The following ENOX2 variants were observed in gnomAD, a reference collection of about 807,000 sequenced individuals.
ENOX2 encodes the protein ecto-NOX disulfide-thiol exchanger 2, also known as APK1 antigen.
A neutral mutation model predicts 45.0 loss-of-function variants in ENOX2; 36 were observed. The observed-to-expected ratio is 0.80, with a 90% CI of 0.61 to 1.06. The LOEUF is 1.06. Ranked by LOEUF, ENOX2 falls within the 50% of genes least tolerant of loss-of-function variation. The probability of loss-of-function intolerance (pLI) is 0.00; values close to 1 mark genes in which losing one functional copy is unlikely to be tolerated. For missense variants in ENOX2, 423 were observed against 462.5 expected (o/e 0.91, Z 0.78); for synonymous variants, 174 against 152.3 (o/e 1.14, Z -1.05).
chrX:130,770,976 G>A (rs1039972935), intron 3 of ENOX2, among the ~76,000 whole-genome samples: 3 of 112,202 alleles, frequency 2.7e-5, no homozygotes, highest in African/African-American at 9.7e-5. Context: ...TGTTTGTGGT[G>A]GCAGCCAAAA....
rs1427164411 is a variant in ENOX2, at chrX:130,689,135, C to T, written c.98-117G>A. On this transcript the variant is annotated intron_variant, in intron 4 of 14. Coordinates refer to ENST00000394363, the MANE Select transcript of ENOX2 (RefSeq NM_006375.4). ...TCTAAGACAGAGGCAAAATATTTAA[C>T]AAGCATGGTACTTAGTATTCCCAGG... 3 of 529,715 alleles carry T rather than the reference C, an allele frequency of 5.7e-6. No homozygotes were observed. The Admixed American group carries it at 1.1e-4, about 20-fold the overall frequency. 43.7% of individuals were successfully genotyped at this position (529,715 alleles called of 1,213,427 possible).
At chrX:130,664,105 C>A (rs918582301) in intron 9 of ENOX2, among the ~76,000 whole-genome samples, 1 of 112,008 alleles carries the variant, frequency 8.9e-6, no homozygotes, top group East Asian at 2.8e-4. Context: ...CTCTACCAAC[C>A]CATTGGATGG....
intron 2 of ENOX2, among the ~76,000 whole-genome samples, chrX:130,885,896 C>T (rs1371506292): frequency 1.8e-5 from 2 of 112,050 alleles, no homozygotes; most frequent in African/African-American, 6.5e-5. Flanking sequence ...AAGAAAAAAG[C>T]CTCAACAACT....
chrX:130,719,983 G>C (rs1381762372), intron 3 of ENOX2, among the ~76,000 whole-genome samples: 1 of 112,290 alleles, frequency 8.9e-6, no homozygotes, highest in Admixed American at 9.4e-5. Context: ...AGAAACAAAA[G>C]AGATGTGTAC....
intron 2 of ENOX2, among the ~76,000 whole-genome samples, chrX:130,799,755 G>C (rs1310869372): frequency 9.0e-6 from 1 of 111,178 alleles, no homozygotes. Flanking sequence ...TAATTAATAG[G>C]GGCAGAAAAG....
intron 2 of ENOX2, among the ~76,000 whole-genome samples, chrX:130,788,022 T>A (rs1337913335): frequency 8.9e-6 from 1 of 112,206 alleles, no homozygotes; most frequent in East Asian, 2.8e-4. Context: ...TTTACTGTTT[T>A]GTTTCATTCC....
chrX:130,783,637 C>G lies in ENOX2; in HGVS notation c.-129G>C. 9.1e-6 allele frequency: 3 copies of G among 329,487 alleles called. No individual in the cohort carries two copies. The highest frequency in any genetic ancestry group is 1.8e-5 in the Non-Finnish European group (3 of 169,387). 27.2% of individuals were successfully genotyped at this position (329,487 alleles called of 1,213,427 possible). On this transcript the variant is annotated 5_prime_UTR_variant, in exon 3 of 15. Transcript: ENST00000394363. ...GTGACCAGAGGGCCACTGGCACTAC[C>G]AAACTGCAGGGGCTCGTTGTTGTTA...
chrX:130,795,028 G>A lies in ENOX2; in HGVS notation c.-182-11338C>T, dbSNP rs750196280. The stretch of plus-strand genomic sequence containing the variant: ...CACCCTATTAATTTTGCTATACTGC[G>A]TCACTAATGTTCTGGAATTATGCTT... On this transcript the variant is annotated intron_variant, in intron 2 of 14. Coordinates refer to ENST00000394363, the MANE Select transcript of ENOX2 (RefSeq NM_006375.4). Among the ~76,000 whole-genome samples the A allele has an allele frequency of 8.0e-5, 9 of 111,809 alleles. No individual in the cohort carries two copies. In the South Asian group the frequency reaches 2.2e-3, roughly 28 times the overall value.
chrX:130,663,059 C>T (rs1384964882), intron 9 of ENOX2, among the ~76,000 whole-genome samples: 2 of 112,254 alleles, frequency 1.8e-5, no homozygotes, highest in Non-Finnish European at 3.8e-5. Context: ...GTGTCCAGCT[C>T]ACTGGTACAG....
At chrX:130,891,916 C>G (rs2078992716) in intron 2 of ENOX2, among the ~76,000 whole-genome samples, 1 of 111,651 alleles carries the variant, frequency 9.0e-6, no homozygotes, top group African/African-American at 3.3e-5. Context: ...GAATACTGGG[C>G]TCTGGAGTCA....
intron 3 of ENOX2, among the ~76,000 whole-genome samples, chrX:130,742,806 A>G (rs1419401622): frequency 8.9e-6 from 1 of 112,208 alleles, no homozygotes; most frequent in Non-Finnish European, 1.9e-5. Flanking sequence ...TCTTTCCAAT[A>G]CACTACACTG....
At chrX:130,738,596 A>G (rs1459509981) in intron 3 of ENOX2, among the ~76,000 whole-genome samples, 1 of 112,130 alleles carries the variant, frequency 8.9e-6, no homozygotes, top group Non-Finnish European at 1.9e-5. Context: ...GTAACATTTG[A>G]TGATTCTGTA....
intron 7 of ENOX2, among the ~76,000 whole-genome samples, chrX:130,669,588 T>C (rs1157295363): frequency 8.9e-6 from 1 of 112,160 alleles, no homozygotes; most frequent in Non-Finnish European, 1.9e-5. Context: ...CCTGATTCAC[T>C]CATTTGACTT....
At chrX:130,802,440 C>T (rs1171025728) in intron 2 of ENOX2, among the ~76,000 whole-genome samples, 1 of 112,034 alleles carries the variant, frequency 8.9e-6, no homozygotes, top group Non-Finnish European at 1.9e-5. Flanking sequence ...TAAACAAATG[C>T]TTGACTTTAT....
chrX:130,866,568 C>G (rs2078495137), intron 2 of ENOX2, among the ~76,000 whole-genome samples: 1 of 111,831 alleles, frequency 8.9e-6, no homozygotes, highest in South Asian at 3.7e-4. Flanking sequence ...GCCACTAGAA[C>G]TCTGCTCATG....
At position 130,625,430 on chromosome X, in the gene ENOX2, C is replaced by T; in HGVS notation, c.1630G>A (p.Val544Met). The T allele has an allele frequency of 2.5e-6, 3 of 1,209,576 alleles. No homozygotes were observed. The highest frequency in any genetic ancestry group is 3.4e-6 in the Non-Finnish European group (3 of 894,318). ...RLDNKICTSD[V>M]ECLMGRLQHT... ...TGGAGTCTACCCATGAGACACTCCA[C>T]ATCGCTGGTGCAGATCTGTGGGACA... is the stretch of plus-strand genomic sequence containing the variant. Residue 544 changes from valine to methionine, a missense_variant, in exon 15 of 15, where the codon GTG (valine) becomes ATG (methionine). Around this residue, in one of 5 missense-constraint regions of ENOX2, gnomAD observed 34 missense variants for 31.3 expected, o/e 1.09. Coordinates refer to ENST00000394363, the MANE Select transcript of ENOX2 (RefSeq NM_006375.4).
rs1446756976 is a variant in ENOX2 at position 130,670,072 on chromosome X, T to C, written c.587A>G (p.Glu196Gly). ...TTCTTCCATTCTTCTACGATGGCGC[T>C]CCTCTCTGGCTAGCATACGCTGTTT... ...ECKQRMLARE[E>G]RHRRRMEEER... The change falls in exon 7 of 15, where the codon GAG (glutamate) becomes GGG (glycine). Residue 196 changes from glutamate to glycine, a missense_variant. By Grantham distance (98) the Glu-to-Gly change is moderately conservative. Coordinates refer to ENST00000394363, the MANE Select transcript of ENOX2 (RefSeq NM_006375.4). The C allele has an allele frequency of 1.7e-6, 2 of 1,209,053 alleles. No individual in the cohort carries two copies. Among genetic ancestry groups the C allele is most frequent in the Non-Finnish European group, 2.2e-6 (2 of 894,469 alleles).
At chrX:130,809,914 C>T (rs1177329265) in intron 2 of ENOX2, among the ~76,000 whole-genome samples, 1 of 111,198 alleles carries the variant, frequency 9.0e-6, no homozygotes, top group African/African-American at 3.3e-5. Flanking sequence ...TTCTTGCACT[C>T]CTCTCCCCAC....
intron 2 of ENOX2, among the ~76,000 whole-genome samples, chrX:130,879,614 GTGGTA>G (rs1428272392): frequency 3.6e-5 from 4 of 111,974 alleles, no homozygotes; most frequent in Non-Finnish European, 5.6e-5. Context: ...AGACAAGTTA[GTGGTA>G]TATATAGTCT....
Sources: allele counts gnomAD v4.1 joint callset (sites outside exome capture counted in the v4.1 genomes callset), GRCh38; gene constraint gnomAD v4.1.1; regional missense constraint gnomAD v4.1.1; transcripts MANE v1.5; gene names NCBI Gene and HGNC (gene_info 2026-07-23, HGNC 2026-07-21).